The following MUC5AC variants were observed in gnomAD, a reference collection of about 807,000 sequenced individuals.
MUC5AC encodes mucin-5AC.
Under a neutral mutation model 169.7 loss-of-function variants are expected in MUC5AC, and 158 were observed. The observed-to-expected ratio is 0.93, with a 90% CI of 0.82 to 1.06. The LOEUF (loss-of-function observed/expected upper bound fraction) is 1.06. Among genes scored for constraint, MUC5AC ranks in the 50% least tolerant of loss-of-function variants. The pLI, the probability that MUC5AC is intolerant of heterozygous loss-of-function variation, is 0.00. For synonymous variants in MUC5AC, 1,975 were observed against 1,237.0 expected (o/e 1.60, Z -12.52); for missense variants, 4,359 against 3,089.9 (o/e 1.41, Z -9.74).
chr11:1,173,913 AC>A (rs1247913088), intron 16 of MUC5AC, among the ~76,000 whole-genome samples: 3 of 149,064 alleles, frequency 2.0e-5, no homozygotes, highest in Admixed American at 1.3e-4. Flanking sequence ...TCATCCACTC[AC>A]TTACTCATCC....
chr11:1,168,626 T>C lies in MUC5AC; in HGVS notation c.1568-16T>C. On this transcript the variant is annotated splice_polypyrimidine_tract_variant and intron_variant, in intron 13 of 48. Coordinates refer to ENST00000621226, the MANE Select transcript of MUC5AC (RefSeq NM_001304359.2). Reference sequence around the variant, plus strand: ...CCCACAGCCCCCAGCAAAACCCTTGTCCTTTGTGTCCCCAGCCAACGTCAC... The same window carrying C: ...CCCACAGCCCCCAGCAAAACCCTTGCCCTTTGTGTCCCCAGCCAACGTCAC... 2 of 1,610,442 alleles carry C rather than the reference T, an allele frequency of 1.2e-6. No homozygotes were observed. The highest frequency in any genetic ancestry group is 1.7e-6 in the Non-Finnish European group (2 of 1,177,860).
Position 1,191,247 on chromosome 11 carries a change from A to T in MUC5AC, c.13102A>T (p.Ser4368Cys), listed in dbSNP as rs1234614785. The change falls in exon 31 of 49, where the codon AGC becomes TGC. Residue 4368 changes from serine to cysteine, a missense_variant. Physicochemically the swap from Ser to Cys is moderately radical, Grantham distance 112. Coordinates refer to ENST00000621226, the MANE Select transcript of MUC5AC (RefSeq NM_001304359.2). ...TTSTTSASTA[S>C]TTSGPGTTPS... ...CAGCACAACCTCTGCCTCTACAGCC[A>T]GCACAACCTCTGGTCCTGGAACTAC... 4.1e-6 allele frequency: 3 copies of T among 739,926 alleles called. No individual in the cohort carries two copies. The highest frequency in any genetic ancestry group is 1.8e-5 in the African/African-American group (1 of 56,756). The allele number at this position is 739,926 out of a possible 1,614,324, so 45.8% of individuals were successfully genotyped here.
rs1303866686 is a variant in MUC5AC at position 1,182,533 on chromosome 11, C to T, written c.4388C>T (p.Ser1463Leu). Reference sequence around the variant, plus strand: ...ACCTGTCGTAACAGGGAGCAGGCATCGGGGCTCTGCTACAACTACCAGATC... The same window carrying T: ...ACCTGTCGTAACAGGGAGCAGGCATTGGGGCTCTGCTACAACTACCAGATC... ...GLTCRNREQA[S>L]GLCYNYQIRV... is the part of the protein sequence containing the mutation. Residue 1463 changes from serine (S) to leucine (L), a missense_variant, in exon 31 of 49, where the codon TCG becomes TTG. Ser to Leu is a moderately radical substitution (Grantham distance 145, BLOSUM62 -2). Coordinates refer to ENST00000621226, the MANE Select transcript of MUC5AC (RefSeq NM_001304359.2). The T allele has an allele frequency of 2.0e-5, 8 of 398,578 alleles. No individual in the cohort carries two copies. The highest frequency in any genetic ancestry group is 8.2e-5 in the African/African-American group (4 of 48,594). 24.7% of individuals were successfully genotyped at this position (398,578 alleles called of 1,614,324 possible). A position where few individuals can be genotyped will look rare whatever the true frequency, so the allele number is the denominator to read the frequency against.
rs934012142 is a variant in MUC5AC at position 1,181,361 on chromosome 11, G to A, written c.3911G>A (p.Arg1304His). Reference protein sequence around the residue: ...TDGTGGCISARCGANGTIERR... With the variant: ...TDGTGGCISAHCGANGTIERR... ...GGCACGGGTGGCTGCATCTCCGCCC[G>A]CTGCGGGGCCAACGGCACCATTGAG... The change falls in exon 30 of 49, where the codon CGC becomes CAC. Residue 1304 changes from arginine (R) to histidine (H), a missense_variant. Transcript: ENST00000621226. The A allele has an allele frequency of 1.0e-3, 406 of 398,704 alleles. No individual in the cohort carries two copies. Among genetic ancestry groups the A allele is most frequent in the African/African-American group, 7.0e-3 (341 of 48,722 alleles). The allele number at this position is 398,704 out of a possible 1,614,324, so 24.7% of individuals were successfully genotyped here.
Position 1,179,252 on chromosome 11 carries a change from A to G in MUC5AC, c.3484+4A>G. 1 of 563,430 alleles carries G rather than the reference A, an allele frequency of 1.8e-6. No homozygotes were observed. The highest frequency in any genetic ancestry group is 3.2e-6 in the Non-Finnish European group (1 of 310,670). 34.9% of individuals were successfully genotyped at this position (563,430 alleles called of 1,614,324 possible). The stretch of plus-strand genomic sequence containing the variant: ...TGGCGGACCCCGAGCATCTGCCGTG[A>G]GTGCGAGTGGGCACCTGGGGAAGAA... On this transcript the variant is annotated splice_donor_region_variant and intron_variant, in intron 26 of 48. Coordinates refer to ENST00000621226, the MANE Select transcript of MUC5AC (RefSeq NM_001304359.2).
At chr11:1,175,497 A>ACCCACTCATGCACACGCTGACACG in intron 19 of MUC5AC, among the ~76,000 whole-genome samples, 1 of 118,102 alleles carries the variant, frequency 8.5e-6, no homozygotes, top group Non-Finnish European at 2.0e-5. Context: ...ATGCTCACAC[A>ACCCACTCATGCACACGCTGACACG]CCCACTCATG....
intron 11 of MUC5AC, among the ~76,000 whole-genome samples, chr11:1,166,001 C>T (rs751374377): frequency 4.6e-5 from 7 of 152,186 alleles, no homozygotes; most frequent in South Asian, 2.1e-4. Context: ...GCACTGGGCC[C>T]TCTGCACCTT....
In MUC5AC at chr11:1,163,888, A is replaced by C; in HGVS notation, c.686A>C (p.Lys229Thr). The change falls in exon 7 of 49, where the codon AAG (lysine) becomes ACG (threonine). Residue 229 changes from lysine (K) to threonine (T), a missense_variant. Lys to Thr is a moderately conservative substitution (Grantham distance 78). Transcript: ENST00000621226. ...VVSELLSHNT[K>T]LTPMEFGNLQ... The stretch of plus-strand genomic sequence containing the variant: ...GCCTCTGTGCTTGCCGCAGACACCA[A>C]GCTGACACCCATGGAATTCGGGAAC... 1 of 1,606,388 alleles carries C rather than the reference A, an allele frequency of 6.2e-7. No individual in the cohort carries two copies. The highest frequency in any genetic ancestry group is 8.5e-7 in the Non-Finnish European group (1 of 1,177,420).
At chr11:1,199,613 G>A (rs1413435929) in intron 46 of MUC5AC, 82 bp from the exon 47 acceptor site, 2 of 696,592 alleles carry the variant, frequency 2.9e-6, no homozygotes, top group Non-Finnish European at 5.2e-6. Context: ...CCACTCCTGA[G>A]CCTGGCCCCA....
In MUC5AC at chr11:1,178,280, G is replaced by A. The variant is rs1191329677; in HGVS notation, c.3088-164G>A. ...GGCCTCCCCAGGTGTAGCTGGAGGTGGGAAGGAGGAAGCAGCACCTGTGGT... is the reference window on the plus strand; with the variant it reads ...GGCCTCCCCAGGTGTAGCTGGAGGTAGGAAGGAGGAAGCAGCACCTGTGGT... On this transcript the variant is annotated intron_variant, in intron 24 of 48. Coordinates refer to ENST00000621226, the MANE Select transcript of MUC5AC (RefSeq NM_001304359.2). 3.9e-5 allele frequency among the ~76,000 whole-genome samples: 6 copies of A among 152,208 alleles called. No homozygotes were observed. In the East Asian group the frequency reaches 1.2e-3, roughly 29 times the overall value.
Position 1,187,833 on chromosome 11 carries a change from A to G in MUC5AC, c.9688A>G (p.Lys3230Glu), listed in dbSNP as rs2133761366. The stretch of plus-strand genomic sequence containing the variant: ...CTGTCATCTCCGGTGCACCTGGACC[A>G]AGTGGTTTGACATAGACTTCCCATC... ...RDCHLRCTWTKWFDIDFPSPG... is the reference protein window; with the variant it reads ...RDCHLRCTWTEWFDIDFPSPG... The change falls in exon 31 of 49, where the codon AAG becomes GAG. Residue 3230 changes from lysine (K) to glutamate (E), a missense_variant. Lys to Glu is a moderately conservative substitution (Grantham distance 56, BLOSUM62 1). Transcript: ENST00000621226. 2.6e-6 allele frequency: 2 copies of G among 764,812 alleles called. No homozygotes were observed. The highest frequency in any genetic ancestry group is 1.7e-5 in the African/African-American group (1 of 59,258). 47.4% of individuals were successfully genotyped at this position (764,812 alleles called of 1,614,324 possible).
In MUC5AC at chr11:1,176,648, G is replaced by A; in HGVS notation, c.2637G>A (p.Arg879=). ...GCTACCGGGCCGGCCAGACCATCCG[G>A]GTGGGCTGCAACACCTGGTATGCCG... ...EASYRAGQTI[R]VGCNTCTCDS... The change falls in exon 21 of 49, where the codon CGG becomes CGA. Residue 879 remains arginine (R), a synonymous_variant. Coordinates refer to ENST00000621226, the MANE Select transcript of MUC5AC (RefSeq NM_001304359.2). 2 of 398,690 alleles carry A rather than the reference G, an allele frequency of 5.0e-6. No homozygotes were observed. The highest frequency in any genetic ancestry group is 8.8e-6 in the Non-Finnish European group (2 of 226,056). 24.7% of individuals were successfully genotyped at this position (398,690 alleles called of 1,614,324 possible). A position where few individuals can be genotyped will look rare whatever the true frequency, so the allele number is the denominator to read the frequency against.
At chr11:1,159,585 G>GGGGTCTGGTCCCACCA (rs1860070724) in intron 1 of MUC5AC, among the ~76,000 whole-genome samples, 5 of 79,678 alleles carry the variant, frequency 6.3e-5, no homozygotes, top group Non-Finnish European at 1.0e-4. Flanking sequence ...GTGCGGGGCT[G>GGGGTCTGGTCCCACCA]TGCGGGGCTG....
At chr11:1,176,692 G>A (rs879206609) in intron 21 of MUC5AC, 27 bp downstream of exon 21, 2 of 398,486 alleles carry the variant, frequency 5.0e-6, no homozygotes, top group Non-Finnish European at 8.8e-6. Flanking sequence ...AAGCCCATGG[G>A]GGGTGTCAGG....
intron 6 of MUC5AC, among the ~76,000 whole-genome samples, chr11:1,163,426 G>A (rs901506383): frequency 3.9e-5 from 6 of 152,192 alleles, no homozygotes; most frequent in African/African-American, 1.4e-4. Flanking sequence ...CCCCCTGCCA[G>A]GCCCATGAAG....
chr11:1,197,982 C>T lies in MUC5AC; in HGVS notation c.16113C>T (p.Ala5371=). Residue 5371 remains alanine, a synonymous_variant, in exon 42 of 49, where the codon GCC becomes GCT. Coordinates refer to ENST00000621226, the MANE Select transcript of MUC5AC (RefSeq NM_001304359.2). ...CGATCCCGACCTACCAGGAGGGGGC[C>T]TGCTGCCCAGTCCAAAACTGCAGTG... The part of the protein sequence containing the change: ...ARAIPTYQEG[A]CCPVQNCSWT... The T allele has an allele frequency of 1.4e-6, 1 of 724,166 alleles. No individual in the cohort carries two copies. The highest frequency in any genetic ancestry group is 2.5e-6 in the Non-Finnish European group (1 of 398,246). The allele number at this position is 724,166 out of a possible 1,614,324, so 44.9% of individuals were successfully genotyped here. A position where few individuals can be genotyped will look rare whatever the true frequency, so the allele number is the denominator to read the frequency against.
At position 1,173,900 on chromosome 11, in the gene MUC5AC, T is replaced by C. The variant is rs930368846; in HGVS notation, c.1966-596T>C. Among the ~76,000 whole-genome samples the C allele has an allele frequency of 2.1e-3, 300 of 146,260 alleles. 5 individuals carry two copies. The highest frequency in any genetic ancestry group is 6.9e-3 in the African/African-American group (271 of 39,318). ...CTCACCCACTCACTCATCCACTCAT[T>C]ACTCATCCACTCACTTACTCATCCA... On this transcript the variant is annotated intron_variant, in intron 16 of 48. Transcript: ENST00000621226.
At position 1,162,609 on chromosome 11, in the gene MUC5AC, G is replaced by T; in HGVS notation, c.551G>T (p.Gly184Val). 1 of 1,612,744 alleles carries T rather than the reference G, an allele frequency of 6.2e-7. No homozygotes were observed. The highest frequency in any genetic ancestry group is 8.5e-7 in the Non-Finnish European group (1 of 1,179,860). Residue 184 changes from glycine to valine, a missense_variant, in exon 5 of 49, where the codon GGC becomes GTC. By Grantham distance (109) the Gly-to-Val change is moderately radical. Transcript: ENST00000621226. Reference protein sequence around the residue: ...SSYTKVEARLGLVLMWNHDDS... With the variant: ...SSYTKVEARLVLVLMWNHDDS... Reference sequence around the variant, plus strand: ...TACACCAAGGTGGAGGCCAGGCTGGGCCTTGTCCTCATGTGGAACCACGAT... The same window carrying T: ...TACACCAAGGTGGAGGCCAGGCTGGTCCTTGTCCTCATGTGGAACCACGAT...
chr11:1,196,335 G>T, intron 37 of MUC5AC, 53 bp from the exon 38 acceptor site: 1 of 760,424 alleles, frequency 1.3e-6, no homozygotes. Flanking sequence ...GGCCCGCGTT[G>T]CTCTGGGTGG....
Sources: gnomAD v4.1 joint callset for allele counts (sites outside exome capture counted in the v4.1 genomes callset) on GRCh38, gnomAD v4.1.1 for gene constraint, MANE v1.5 for transcripts, NCBI Gene and HGNC (gene_info 2026-07-23, HGNC 2026-07-21) for gene names.